Variants in NR3C1 observed in about 807,000 individuals in gnomAD.
NR3C1 encodes the protein glucocorticoid receptor.
In NR3C1, 14 loss-of-function variants were observed where a neutral mutation model predicts 74.0. That is an observed-to-expected ratio of 0.19 (90% CI 0.12 to 0.30). The LOEUF (loss-of-function observed/expected upper bound fraction) is 0.30, where lower values mean the gene tolerates loss of function less well. NR3C1 is among the 10% of genes least tolerant of loss of function. The pLI is 1.00. For synonymous variants in NR3C1, 308 were observed against 332.5 expected, an observed-to-expected ratio of 0.93 and a Z score of 0.80; for missense variants, 695 against 909.8, an observed-to-expected ratio of 0.76 and a Z score of 3.04.
At chr5:143,420,246 T>C (rs4388235) in intron 1 of NR3C1, among the ~76,000 whole-genome samples, 124,341 of 152,080 alleles carry the variant, frequency 0.82, 51,272 homozygotes, top group African/African-American at 0.93. Context: ...TCCTCCTCAG[T>C]TTAGGAGATG....
intron 2 of NR3C1, among the ~76,000 whole-genome samples, chr5:143,387,093 A>G (rs984504310): frequency 3.9e-5 from 6 of 152,216 alleles, no homozygotes; most frequent in Admixed American, 3.3e-4. Flanking sequence ...GATAAGAGTA[A>G]TAAGAGTTTG....
intron 2 of NR3C1, among the ~76,000 whole-genome samples, chr5:143,329,486 C>G (rs1270727195): frequency 1.3e-5 from 2 of 152,030 alleles, no homozygotes; most frequent in Non-Finnish European, 1.5e-5. Flanking sequence ...AGAATTGGTC[C>G]CAGAACACTA....
intron 6 of NR3C1, among the ~76,000 whole-genome samples, chr5:143,297,722 G>C (rs1016352798): frequency 6.6e-6 from 1 of 152,152 alleles, no homozygotes; most frequent in Non-Finnish European, 1.5e-5. Flanking sequence ...AATAAGCTAG[G>C]GGTACGAAAA....
intron 2 of NR3C1, among the ~76,000 whole-genome samples, chr5:143,361,237 T>C (rs1832179326): frequency 6.6e-6 from 1 of 152,196 alleles, no homozygotes; most frequent in Non-Finnish European, 1.5e-5. Flanking sequence ...TGGCATTAAC[T>C]TCATTAGATT....
chr5:143,341,233 A>G (rs751596258), intron 2 of NR3C1, among the ~76,000 whole-genome samples: 1 of 152,246 alleles, frequency 6.6e-6, no homozygotes, highest in Non-Finnish European at 1.5e-5. Context: ...AACCAATTTA[A>G]AGGAAATTTC....
Position 143,400,463 on chromosome 5 carries a change from A to G in NR3C1, c.377T>C (p.Ile126Thr). The change falls in exon 2 of 9, where the codon ATT becomes ACT. Residue 126 changes from isoleucine (I) to threonine (T), a missense_variant. Physicochemically the swap from Ile to Thr is moderately conservative, Grantham distance 89. This residue lies in a region of NR3C1 where 497 missense variants were observed against 489.5 expected (regional missense o/e 1.02). Transcript: ENST00000394464. Reference sequence around the variant, plus strand: ...ACTGGTCGACCTATTGAGGTTTGCAATGCTTTCTTCCAAAAGCTTTAAGTC... The same window carrying G: ...ACTGGTCGACCTATTGAGGTTTGCAGTGCTTTCTTCCAAAAGCTTTAAGTC... Reference protein sequence around the residue: ...ETDLKLLEESIANLNRSTSVP... With the variant: ...ETDLKLLEESTANLNRSTSVP... The G allele has an allele frequency of 6.2e-7, 1 of 1,614,178 alleles. No homozygotes were observed. Among genetic ancestry groups the G allele is most frequent in the South Asian group, 1.1e-5 (1 of 91,072 alleles).
rs148383841 is a variant in NR3C1 at position 143,427,123 on chromosome 5, G to T, written c.-14+7409C>A. The stretch of plus-strand genomic sequence containing the variant: ...CAAGCCTAATATTTCTAATTCTAGA[G>T]GAAGAACCCCAGTCTGCACTATAAG... On this transcript the variant is annotated intron_variant, in intron 1 of 8. Coordinates refer to the NR3C1 transcript ENST00000343796. Among the ~76,000 whole-genome samples the T allele has an allele frequency of 1.6e-3, 240 of 152,238 alleles. 1 individual carries two copies. In the East Asian group the frequency reaches 0.034, roughly 22 times the overall value.
intron 1 of NR3C1, among the ~76,000 whole-genome samples, chr5:143,429,849 G>A (rs1751720454): frequency 6.6e-6 from 1 of 152,090 alleles, no homozygotes; most frequent in African/African-American, 2.4e-5. Context: ...GGAGGCCGAG[G>A]TGGGCAGATC....
intron 2 of NR3C1, among the ~76,000 whole-genome samples, chr5:143,372,592 G>A (rs182443455): frequency 6.0e-4 from 92 of 152,284 alleles, no homozygotes; most frequent in Non-Finnish European, 9.3e-4. Context: ...CAGATAAGGC[G>A]GACTACTGCA....
chr5:143,407,508 A>G (rs1053149758), upstream of NR3C1: 2 of 152,214 alleles, frequency 1.3e-5, no homozygotes, highest in Non-Finnish European at 2.9e-5. Flanking sequence ...ATTTCTCTGT[A>G]TCACCCACCA....
intron 2 of NR3C1, among the ~76,000 whole-genome samples, chr5:143,391,968 T>C (rs1046669132): frequency 6.6e-6 from 1 of 151,984 alleles, no homozygotes; most frequent in Non-Finnish European, 1.5e-5. Context: ...TCTTTTCTTT[T>C]TTTTTTCTTT....
intron 7 of NR3C1, chr5:143,293,797 G>T: frequency 1.4e-6 from 1 of 732,700 alleles, no homozygotes; most frequent in Non-Finnish European, 1.7e-6. Context: ...AAGAACTCGT[G>T]ATATTATTTA....
At chr5:143,378,952 T>A (rs765059494) in intron 2 of NR3C1, among the ~76,000 whole-genome samples, 1 of 151,906 alleles carries the variant, frequency 6.6e-6, no homozygotes, top group Admixed American at 6.6e-5. Flanking sequence ...AAAAAAAAAA[T>A]CTAGACTGGG....
intron 2 of NR3C1, chr5:143,375,879 C>T (rs1382274550): frequency 6.6e-6 from 1 of 152,144 alleles, no homozygotes; most frequent in Non-Finnish European, 1.5e-5. Flanking sequence ...ACATTCTGAA[C>T]AGTATCTGGA....
At chr5:143,406,673 A>G (rs1259663722), upstream of NR3C1, among the ~76,000 whole-genome samples, 1 of 152,194 alleles carries the variant, frequency 6.6e-6, no homozygotes, top group Non-Finnish European at 1.5e-5. Context: ...TCGATTTTTC[A>G]ATATGAGGAC....
In NR3C1 at chr5:143,400,753, G is replaced by C. The variant is rs148102613; in HGVS notation, c.87C>G (p.Phe29Leu). 7.3e-5 allele frequency: 118 copies of C among 1,614,074 alleles called. No homozygotes were observed. The highest frequency in any genetic ancestry group is 9.6e-5 in the Non-Finnish European group (113 of 1,180,038). The change falls in exon 2 of 9, where the codon TTC (phenylalanine) becomes TTG (leucine). Residue 29 changes from phenylalanine to leucine, a missense_variant. This residue lies in a region of NR3C1 where 497 missense variants were observed against 489.5 expected (regional missense o/e 1.02). Transcript: ENST00000394464. ...LAQERGDVMD[F>L]YKTLRGGATV... Reference sequence around the variant, plus strand: ...TAGCTCCTCCTCTTAGGGTTTTATAGAAGTCCATCACATCTCCCCTCTCCT... The same window carrying C: ...TAGCTCCTCCTCTTAGGGTTTTATACAAGTCCATCACATCTCCCCTCTCCT...
intron 2 of NR3C1, among the ~76,000 whole-genome samples, chr5:143,317,699 TG>T (rs1822457498): frequency 6.6e-6 from 1 of 152,174 alleles, no homozygotes; most frequent in Non-Finnish European, 1.5e-5. Flanking sequence ...AGGAGGATTA[TG>T]GGTGAAAGTC....
chr5:143,286,840 T>TA (rs1349345636), intron 7 of NR3C1, among the ~76,000 whole-genome samples: 3 of 151,852 alleles, frequency 2.0e-5, no homozygotes, highest in Non-Finnish European at 4.4e-5. Flanking sequence ...ACACTCAGGA[T>TA]AGACCATATG....
intron 2 of NR3C1, among the ~76,000 whole-genome samples, chr5:143,338,535 T>C (rs1827594466): frequency 6.6e-6 from 1 of 152,160 alleles, no homozygotes; most frequent in Non-Finnish European, 1.5e-5. Flanking sequence ...TTAATGTGTG[T>C]GTTTGTGTAT....
Sources: gnomAD v4.1 joint callset for allele counts (sites outside exome capture counted in the v4.1 genomes callset) on GRCh38, gnomAD v4.1.1 for gene constraint, gnomAD v4.1.1 regional missense constraint, MANE v1.5 for transcripts, NCBI Gene and HGNC (gene_info 2026-07-23, HGNC 2026-07-21) for gene names.